The following GPLD1 variants were observed in gnomAD, a reference collection of about 807,000 sequenced individuals.
GPLD1 encodes phosphatidylinositol-glycan-specific phospholipase D.
GPLD1 carries 84 observed loss-of-function variants against 112.6 expected under a neutral mutation model. That is an observed-to-expected ratio of 0.75 (90% confidence interval 0.63 to 0.89). The LOEUF (loss-of-function observed/expected upper bound fraction) is 0.89, where lower values mean the gene tolerates loss of function less well. Among genes scored for constraint, GPLD1 ranks in the 40% least tolerant of loss-of-function variants. The pLI is 0.00. For synonymous variants in GPLD1, 386 were observed against 403.8 expected (o/e 0.96, Z 0.53); for missense variants, 1,044 against 1,051.5 (o/e 0.99, Z 0.10).
chr6:24,458,116 G>A (rs2127346652), intron 12 of GPLD1, among the ~76,000 whole-genome samples: 1 of 151,124 alleles, frequency 6.6e-6, no homozygotes, highest in South Asian at 2.1e-4. Flanking sequence ...CCAAGTTAAG[G>A]GGACACAACT....
intron 13 of GPLD1, among the ~76,000 whole-genome samples, chr6:24,455,349 C>T (rs188918619): frequency 3.9e-4 from 60 of 152,344 alleles, no homozygotes; most frequent in African/African-American, 1.1e-3. Flanking sequence ...ACCTCCCCAT[C>T]TCCTGCACTA....
At chr6:24,432,247 TAAAAAAAA>T (rs71002493) in intron 24 of GPLD1, among the ~76,000 whole-genome samples, 5 of 90,778 alleles carry the variant, frequency 5.5e-5, no homozygotes, top group African/African-American at 2.3e-4. Flanking sequence ...GACTCTGTCT[TAAAAAAAA>T]AAAAAAAAAA....
chr6:24,482,565 G>C (rs1490736492), intron 2 of GPLD1, among the ~76,000 whole-genome samples: 2 of 152,206 alleles, frequency 1.3e-5, no homozygotes, highest in Non-Finnish European at 2.9e-5. Flanking sequence ...ACAGACATGA[G>C]CCACTGCGCC....
intron 8 of GPLD1, 64 bp downstream of exon 8, chr6:24,467,101 CAT>C: frequency 8.6e-7 from 1 of 1,161,324 alleles, no homozygotes; most frequent in Non-Finnish European, 1.3e-6. Context: ...GAAACAAAAA[CAT>C]AAAAACTGTG....
chr6:24,440,951 T>C (rs887723482), intron 20 of GPLD1, among the ~76,000 whole-genome samples: 1 of 152,066 alleles, frequency 6.6e-6, no homozygotes, highest in African/African-American at 2.4e-5. Flanking sequence ...CCACGAAGGA[T>C]TGGTTCCAGG....
intron 24 of GPLD1, among the ~76,000 whole-genome samples, chr6:24,432,247 T>TAA (rs71002493): frequency 0.034 from 3,046 of 90,608 alleles, 126 homozygotes; most frequent in African/African-American, 0.078. Flanking sequence ...GACTCTGTCT[T>TAA]AAAAAAAAAA....
chr6:24,448,847 T>C (rs1407912624), intron 15 of GPLD1, among the ~76,000 whole-genome samples: 1 of 152,120 alleles, frequency 6.6e-6, no homozygotes, highest in Non-Finnish European at 1.5e-5. Flanking sequence ...CAGTTCCTCT[T>C]ATAACTTGCC....
chr6:24,471,610 CA>C (rs751033847), intron 7 of GPLD1, among the ~76,000 whole-genome samples: 1 of 152,148 alleles, frequency 6.6e-6, no homozygotes, highest in Non-Finnish European at 1.5e-5. Context: ...TCAGAACATA[CA>C]AAAAATTAAC....
At position 24,428,291 on chromosome 6, in the gene GPLD1, TTACA is replaced by T. The variant is rs964808290; in HGVS notation, c.*737_*740del. Reference sequence around the variant, plus strand: ...TACATGCGCAGGAAGTGCTGGTTTGTTACATACATAAAGGTGTGTCATGGGGGTT... The same window carrying T: ...TACATGCGCAGGAAGTGCTGGTTTGTTACATAAAGGTGTGTCATGGGGGTT... On this transcript the variant is annotated 3_prime_UTR_variant, in exon 25 of 25. Coordinates refer to ENST00000230036, the MANE Select transcript of GPLD1 (RefSeq NM_001503.4). 6.6e-6 allele frequency: 1 copy of T among 152,188 alleles called. No individual in the cohort carries two copies. Among genetic ancestry groups the T allele is most frequent in the African/African-American group, 2.4e-5 (1 of 41,446 alleles). 9.4% of individuals were successfully genotyped at this position (152,188 alleles called of 1,614,324 possible).
intron 5 of GPLD1, 46 bp from the exon 6 acceptor site, chr6:24,473,713 C>T (rs769339962): frequency 6.8e-6 from 9 of 1,326,548 alleles, no homozygotes; most frequent in Non-Finnish European, 9.7e-6. Flanking sequence ...AAATTGTAGC[C>T]CCAACTCTTA....
At chr6:24,468,473 C>G (rs931028475) in intron 7 of GPLD1, among the ~76,000 whole-genome samples, 5 of 152,186 alleles carry the variant, frequency 3.3e-5, no homozygotes, top group Non-Finnish European at 5.9e-5. Flanking sequence ...CTCATAGCTA[C>G]CTATGACCTG....
At chr6:24,483,934 G>A (rs1764285703) in intron 2 of GPLD1, among the ~76,000 whole-genome samples, 1 of 150,878 alleles carries the variant, frequency 6.6e-6, no homozygotes, top group Non-Finnish European at 1.5e-5. Context: ...GTTTTGAGAT[G>A]GAGTCTCACT....
At chr6:24,479,317 T>C (rs1173586715) in intron 3 of GPLD1, among the ~76,000 whole-genome samples, 1 of 152,202 alleles carries the variant, frequency 6.6e-6, no homozygotes, top group Non-Finnish European at 1.5e-5. Flanking sequence ...GAAGCCCCTC[T>C]CAGGTTTACT....
At chr6:24,464,156 T>C (rs1351928861) in intron 10 of GPLD1, among the ~76,000 whole-genome samples, 7 of 152,222 alleles carry the variant, frequency 4.6e-5, no homozygotes, top group African/African-American at 1.7e-4. Flanking sequence ...TTCCTTCTAA[T>C]AATAATAGTA....
At position 24,466,660 on chromosome 6, in the gene GPLD1, G is replaced by A; in HGVS notation, c.821+20C>T. 6.2e-7 allele frequency: 1 copy of A among 1,601,504 alleles called. No homozygotes were observed. The highest frequency in any genetic ancestry group is 8.5e-7 in the Non-Finnish European group (1 of 1,169,762). On this transcript the variant is annotated intron_variant, in intron 10 of 24. Coordinates refer to ENST00000230036, the MANE Select transcript of GPLD1 (RefSeq NM_001503.4). ...AAAAGGCAGAGAGTGATTGGTAATA[G>A]AAATGCAATATGAATTCACCTGGTC...
intron 6 of GPLD1, 173 bp downstream of exon 6, chr6:24,473,446 T>C (rs1763894350): frequency 4.5e-6 from 2 of 441,384 alleles, no homozygotes; most frequent in South Asian, 5.3e-5. Flanking sequence ...TTTTTAGAAA[T>C]ACATCTCTAT....
intron 20 of GPLD1, among the ~76,000 whole-genome samples, chr6:24,440,578 A>C (rs1762712582): frequency 9.0e-6 from 1 of 111,382 alleles, no homozygotes; most frequent in Non-Finnish European, 1.7e-5. Context: ...TGTAAAAAAT[A>C]CTCAAAAAAA....
intron 7 of GPLD1, among the ~76,000 whole-genome samples, chr6:24,468,551 T>A (rs1021049196): frequency 8.0e-5 from 12 of 149,886 alleles, no homozygotes; most frequent in Admixed American, 2.7e-4. Flanking sequence ...TTACTTATTT[T>A]TTTATTTTTA....
At chr6:24,444,104 C>T (rs1234566700) in intron 20 of GPLD1, among the ~76,000 whole-genome samples, 1 of 152,148 alleles carries the variant, frequency 6.6e-6, no homozygotes, top group African/African-American at 2.4e-5. Context: ...CCAGTAATTC[C>T]ATCTCCAGGA....
Sources: allele counts gnomAD v4.1 joint callset (sites outside exome capture counted in the v4.1 genomes callset), GRCh38; gene constraint gnomAD v4.1.1; transcripts MANE v1.5; gene names NCBI Gene and HGNC (gene_info 2026-07-23, HGNC 2026-07-21).